Variants in SFSWAP observed in about 807,000 individuals in gnomAD.
SFSWAP encodes splicing factor SWAP.
SFSWAP carries 17 observed loss-of-function variants against 100.7 expected under a neutral mutation model. The ratio of observed to expected loss-of-function variants is 0.17; its 90% CI spans 0.12 to 0.25. The LOEUF is 0.25. Among genes scored for constraint, SFSWAP ranks in the 10% least tolerant of loss-of-function variants. SFSWAP has a pLI of 1.00. For missense variants in SFSWAP, 1,005 were observed against 1,262.6 expected, an observed-to-expected ratio of 0.80 and a Z score of 3.09; for synonymous variants, 504 against 510.1, an observed-to-expected ratio of 0.99 and a Z score of 0.16.
chr12:131,726,579 C>G (rs1265803076), intron 5 of SFSWAP, among the ~76,000 whole-genome samples: 1 of 152,160 alleles, frequency 6.6e-6, no homozygotes, highest in African/African-American at 2.4e-5. Flanking sequence ...TAATGCAGAT[C>G]TCATCTTCAG....
chr12:131,719,610 G>C (rs1878278107), intron 4 of SFSWAP, 71 bp downstream of exon 4: 1 of 1,222,138 alleles, frequency 8.2e-7, no homozygotes, highest in Non-Finnish European at 1.2e-6. Flanking sequence ...TTGTGGGAAA[G>C]CTCAATAATG....
At chr12:131,747,167 T>C (rs4964992) in intron 7 of SFSWAP, among the ~76,000 whole-genome samples, 77,610 of 150,754 alleles carry the variant, frequency 0.51, 19,994 homozygotes, top group South Asian at 0.66. Context: ...CTTGTACAGG[T>C]GTTGAGCGAT....
Position 131,726,924 on chromosome 12 carries a change from G to A in SFSWAP, c.833-16G>A. 6.9e-7 allele frequency: 1 copy of A among 1,457,498 alleles called. No homozygotes were observed. Among genetic ancestry groups the A allele is most frequent in the South Asian group, 1.2e-5 (1 of 84,518 alleles). 90.3% of individuals were successfully genotyped at this position (1,457,498 alleles called of 1,614,324 possible). ...TCACCAAACACCAAAATCTTGAAAT[G>A]TGATTTTGATTTCAGAATCAGGAGT... On this transcript the variant is annotated splice_polypyrimidine_tract_variant and intron_variant, in intron 5 of 17. Transcript: ENST00000261674.
chr12:131,797,467 A>G (rs1047327876), intron 16 of SFSWAP, 107 bp downstream of exon 16: 1 of 1,051,372 alleles, frequency 9.5e-7, no homozygotes, highest in Admixed American at 2.9e-5. Flanking sequence ...GCCTGTGTCC[A>G]GGGGGCGCCA....
chr12:131,717,428 C>T (rs370539625), intron 3 of SFSWAP, among the ~76,000 whole-genome samples: 4 of 152,086 alleles, frequency 2.6e-5, no homozygotes, highest in African/African-American at 7.2e-5. Context: ...GGGGCGGGGA[C>T]AGGCCCTCAC....
intron 15 of SFSWAP, 158 bp downstream of exon 15, chr12:131,786,746 C>G: frequency 1.4e-6 from 1 of 735,804 alleles, no homozygotes; most frequent in Admixed American, 2.8e-5. Context: ...GCATGGCCAT[C>G]ACTGTTGACA....
intron 14 of SFSWAP, chr12:131,785,541 G>T (rs572717686): frequency 8.0e-6 from 2 of 250,822 alleles, no homozygotes; most frequent in Non-Finnish European, 1.6e-5. Flanking sequence ...TGTGCTCATT[G>T]CAGGTCTTCC....
intron 15 of SFSWAP, among the ~76,000 whole-genome samples, chr12:131,793,623 G>A (rs1885430836): frequency 1.3e-5 from 2 of 152,156 alleles, no homozygotes; most frequent in African/African-American, 4.8e-5. Flanking sequence ...CTTCATTGAA[G>A]TTTAAAAACT....
At chr12:131,754,239 T>G in intron 8 of SFSWAP, 129 bp from the exon 9 acceptor site, 4 of 528,618 alleles carry the variant, frequency 7.6e-6, no homozygotes. Flanking sequence ...AACAAGAGCC[T>G]CCCCTAACAC....
At chr12:131,738,868 C>G (rs1203912703) in intron 7 of SFSWAP, among the ~76,000 whole-genome samples, 6 of 84,734 alleles carry the variant, frequency 7.1e-5, no homozygotes, top group Non-Finnish European at 1.5e-4. Flanking sequence ...TTTTCCAGTG[C>G]TGTAATGAAC....
intron 14 of SFSWAP, among the ~76,000 whole-genome samples, chr12:131,781,363 G>A (rs530654216): frequency 4.9e-4 from 73 of 149,982 alleles, no homozygotes; most frequent in Admixed American, 1.5e-3. Flanking sequence ...TCAGCCTCCC[G>A]AGTAGCTGGG....
chr12:131,781,234 ATTTT>A (rs66608201), intron 14 of SFSWAP, among the ~76,000 whole-genome samples: 2 of 102,294 alleles, frequency 2.0e-5, no homozygotes, highest in Non-Finnish European at 2.2e-5. Context: ...ATATCTTATT[ATTTT>A]TTTTTTTTTT....
At chr12:131,759,177 T>C (rs1220327428) in intron 11 of SFSWAP, among the ~76,000 whole-genome samples, 1 of 152,180 alleles carries the variant, frequency 6.6e-6, no homozygotes, top group Non-Finnish European at 1.5e-5. Context: ...TTGAATGAAT[T>C]TGAAAATCAG....
chr12:131,774,031 G>A (rs1299245931), intron 13 of SFSWAP, among the ~76,000 whole-genome samples: 1 of 152,210 alleles, frequency 6.6e-6, no homozygotes, highest in Non-Finnish European at 1.5e-5. Context: ...GACAATGGGA[G>A]GCCAGTTGTG....
intron 11 of SFSWAP, 71 bp from the exon 12 acceptor site, chr12:131,764,385 A>G (rs1345093099): frequency 8.2e-7 from 1 of 1,215,848 alleles, no homozygotes; most frequent in African/African-American, 1.5e-5. Flanking sequence ...GCCGATGCTC[A>G]GGTGGGTAGC....
chr12:131,784,275 A>T (rs1006822013), intron 14 of SFSWAP: 1 of 152,286 alleles, frequency 6.6e-6, no homozygotes, highest in Non-Finnish European at 1.5e-5. Flanking sequence ...TCCAGTTTCA[A>T]CTTGAGGAAA....
At chr12:131,785,103 G>A (rs1378548243) in intron 14 of SFSWAP, 25 of 1,535,552 alleles carry the variant, frequency 1.6e-5, no homozygotes, top group African/African-American at 4.1e-5. Context: ...CGCTGCGCGC[G>A]GAGCCCTGTC....
rs761500735 is a variant in SFSWAP at position 131,725,366 on chromosome 12, G to A, written c.607-39G>A. On this transcript the variant is annotated intron_variant, in intron 4 of 17. Transcript: ENST00000261674. The surrounding 1 kb of genome is among the most constrained non-coding windows in gnomAD (Gnocchi z 4.3). ...GAAATCACGTGGCCGGTGGACAAGA[G>A]GACAAATGGGTGACGTGAATATGTG... 1 of 1,532,926 alleles carries A rather than the reference G, an allele frequency of 6.5e-7. No homozygotes were observed. Among genetic ancestry groups the A allele is most frequent in the African/African-American group, 1.4e-5 (1 of 72,590 alleles). The allele number at this position is 1,532,926 out of a possible 1,614,324, so 95.0% of individuals were successfully genotyped here.
intron 7 of SFSWAP, among the ~76,000 whole-genome samples, chr12:131,748,064 A>G (rs1349476065): frequency 1.3e-5 from 2 of 152,216 alleles, no homozygotes; most frequent in Non-Finnish European, 2.9e-5. Context: ...GGAGACAGGA[A>G]GGCTGGCTTG....
Sources: gnomAD v4.1 joint callset for allele counts (sites outside exome capture counted in the v4.1 genomes callset) on GRCh38, gnomAD v4.1.1 for gene constraint, Gnocchi (gnomAD v3.1) non-coding constraint, MANE v1.5 for transcripts, NCBI Gene and HGNC (gene_info 2026-07-23, HGNC 2026-07-21) for gene names.